DGKB: variants seen among roughly 807,000 people sequenced by gnomAD.
The protein encoded by DGKB is 90 kDa diacylglycerol kinase.
Under a neutral mutation model 114.3 loss-of-function variants are expected in DGKB, and 67 were observed. The ratio of observed to expected loss-of-function variants is 0.59; its 90% CI spans 0.48 to 0.72. The LOEUF (loss-of-function observed/expected upper bound fraction) is 0.72, where lower values mean the gene tolerates loss of function less well. Ranked by LOEUF, DGKB falls within the 30% of genes least tolerant of loss-of-function variation. DGKB has a pLI of 0.00. For missense variants in DGKB, 907 were observed against 975.2 expected (o/e 0.93, Z 0.93); for synonymous variants, 398 against 323.1 (o/e 1.23, Z -2.49).
intron 20 of DGKB, among the ~76,000 whole-genome samples, chr7:14,552,147 C>T (rs897396442): frequency 2.0e-5 from 3 of 152,034 alleles, no homozygotes; most frequent in Middle Eastern, 6.3e-3. Flanking sequence ...ATTTGTATCA[C>T]CTCTAGCCAC....
intron 1 of DGKB, among the ~76,000 whole-genome samples, chr7:14,937,670 T>C (rs1785347059): frequency 6.6e-6 from 1 of 152,142 alleles, no homozygotes; most frequent in Non-Finnish European, 1.5e-5. Flanking sequence ...TGCTCTAATA[T>C]ACAGCTGGCC....
chr7:14,367,371 T>C (rs1161081766), intron 21 of DGKB, among the ~76,000 whole-genome samples: 1 of 151,958 alleles, frequency 6.6e-6, no homozygotes, highest in Non-Finnish European at 1.5e-5. Context: ...TGTTCTCCTG[T>C]TAATGAATAA....
intron 23 of DGKB, among the ~76,000 whole-genome samples, chr7:14,324,537 C>G (rs1808395611): frequency 6.6e-6 from 1 of 151,520 alleles, no homozygotes; most frequent in African/African-American, 2.4e-5. Flanking sequence ...CTTTCAAGGA[C>G]TTATTTCTCT....
intron 23 of DGKB, among the ~76,000 whole-genome samples, chr7:14,232,918 G>A (rs764388055): frequency 1.9e-4 from 29 of 152,096 alleles, no homozygotes; most frequent in Non-Finnish European, 3.2e-4. Flanking sequence ...AAGCTCTAAT[G>A]TGTCAATTTC....
intron 25 of DGKB, among the ~76,000 whole-genome samples, chr7:14,153,145 C>T (rs1782474444): frequency 3.3e-5 from 5 of 152,090 alleles, no homozygotes; most frequent in Non-Finnish European, 7.4e-5. Flanking sequence ...AGAGATGGGT[C>T]TTCCCTGATT....
intron 25 of DGKB, among the ~76,000 whole-genome samples, chr7:14,157,810 A>T (rs1418738402): frequency 6.6e-6 from 1 of 152,214 alleles, no homozygotes; most frequent in Non-Finnish European, 1.5e-5. Flanking sequence ...CTTTTCTTAG[A>T]GTATCTCCAA....
In DGKB at chr7:14,881,738, G is replaced by T. The variant is rs557648566; in HGVS notation, c.-188+20854C>A. On this transcript the variant is annotated intron_variant, in intron 1 of 25. Transcript: ENST00000402815. Reference sequence around the variant, plus strand: ...GAATATGTTGAACTCTTTAAGAGCCGTAGTTAACCTGTAGAAGACTGAGTG... The same window carrying T: ...GAATATGTTGAACTCTTTAAGAGCCTTAGTTAACCTGTAGAAGACTGAGTG... Among the ~76,000 whole-genome samples the T allele has an allele frequency of 3.9e-5, 6 of 152,104 alleles. No homozygotes were observed. In the South Asian group the frequency reaches 1.2e-3, roughly 32 times the overall value.
intron 1 of DGKB, among the ~76,000 whole-genome samples, chr7:14,866,206 T>A (rs568260459): frequency 3.9e-5 from 6 of 152,276 alleles, no homozygotes; most frequent in African/African-American, 1.4e-4. Flanking sequence ...CCACTCTTTT[T>A]AAAATTCCCC....
intron 13 of DGKB, among the ~76,000 whole-genome samples, chr7:14,666,098 T>A (rs918996514): frequency 1.3e-5 from 2 of 152,040 alleles, no homozygotes; most frequent in Non-Finnish European, 2.9e-5. Context: ...AGTATAAATT[T>A]AATTATAAGC....
intron 1 of DGKB, among the ~76,000 whole-genome samples, chr7:14,962,113 A>C (rs982412001): frequency 1.3e-5 from 2 of 152,188 alleles, no homozygotes; most frequent in African/African-American, 4.8e-5. Context: ...AGTATGTGAC[A>C]CAAGTGTATA....
At chr7:14,564,040 A>T (rs1483271038) in intron 20 of DGKB, among the ~76,000 whole-genome samples, 1 of 152,224 alleles carries the variant, frequency 6.6e-6, no homozygotes, top group Non-Finnish European at 1.5e-5. Context: ...CTCTTTGGGC[A>T]GCCCTGGAGA....
At chr7:14,928,525 T>C (rs1043112833) in intron 1 of DGKB, among the ~76,000 whole-genome samples, 2 of 152,004 alleles carry the variant, frequency 1.3e-5, no homozygotes, top group African/African-American at 4.8e-5. Context: ...TATTAACTTC[T>C]CCAGTGCCTC....
chr7:14,882,666 C>G (rs1587156844), intron 1 of DGKB, among the ~76,000 whole-genome samples: 1 of 152,016 alleles, frequency 6.6e-6, no homozygotes, highest in Middle Eastern at 3.4e-3. Context: ...TTTTAGCACC[C>G]ACTTATGAGT....
At chr7:14,947,316 A>G (rs1785938783) in intron 1 of DGKB, among the ~76,000 whole-genome samples, 1 of 151,630 alleles carries the variant, frequency 6.6e-6, no homozygotes, top group Non-Finnish European at 1.5e-5. Context: ...TTATATAGAA[A>G]TGGAAAAACA....
chr7:14,282,545 C>T (rs1418023755), intron 23 of DGKB, among the ~76,000 whole-genome samples: 1 of 151,848 alleles, frequency 6.6e-6, no homozygotes, highest in Non-Finnish European at 1.5e-5. Context: ...CAAAGCCGGG[C>T]AGAGACACAA....
At chr7:14,611,855 C>T in intron 16 of DGKB, among the ~76,000 whole-genome samples, 1 of 151,328 alleles carries the variant, frequency 6.6e-6, no homozygotes, top group Non-Finnish European at 1.5e-5. Flanking sequence ...TTTTTTTTCT[C>T]TTCAAACTTC....
rs558392601 is a variant in DGKB at position 14,938,996 on chromosome 7, C to T, written c.-188+35700G>A. 6.6e-5 allele frequency among the ~76,000 whole-genome samples: 10 copies of T among 152,242 alleles called. 2 individuals are homozygous for T. Among genetic ancestry groups the T allele is most frequent in the African/African-American group, 2.2e-4 (9 of 41,562 alleles). ...ACATTACTATGAGAATAAAAGGAGG[C>T]AAGGCATTTAAGTACCAGATTCACA... On this transcript the variant is annotated intron_variant, in intron 1 of 4. Transcript: ENST00000437998.
chr7:14,901,241 C>T (rs77186153), intron 1 of DGKB, among the ~76,000 whole-genome samples: 2,120 of 152,138 alleles, frequency 0.014, 58 homozygotes, highest in African/African-American at 0.046. Context: ...ACATTCTTGA[C>T]GTGTTTTATT....
At chr7:14,569,457 T>C (rs1041188413) in intron 20 of DGKB, among the ~76,000 whole-genome samples, 8 of 152,216 alleles carry the variant, frequency 5.3e-5, no homozygotes, top group African/African-American at 1.9e-4. Context: ...ACTTATATAA[T>C]ATGAGGTAGA....
Sources: gnomAD v4.1 joint callset for allele counts (sites outside exome capture counted in the v4.1 genomes callset) on GRCh38, gnomAD v4.1.1 for gene constraint, MANE v1.5 for transcripts, NCBI Gene and HGNC (gene_info 2026-07-23, HGNC 2026-07-21) for gene names.